The following TNIK variants were observed in gnomAD, a reference collection of about 807,000 sequenced individuals.
TNIK encodes the protein TRAF2 and NCK-interacting protein kinase.
Under a neutral mutation model 191.3 loss-of-function variants are expected in TNIK, and 49 were observed. That is an observed-to-expected ratio of 0.26 (90% CI 0.20 to 0.32). The LOEUF is 0.32. TNIK is among the 10% of genes least tolerant of loss of function. The pLI is 1.00. For missense variants in TNIK, 1,155 were observed against 1,702.3 expected, an observed-to-expected ratio of 0.68 and a Z score of 5.66; for synonymous variants, 594 against 600.9, an observed-to-expected ratio of 0.99 and a Z score of 0.17.
Position 171,366,356 on chromosome 3 carries a change from G to A in TNIK, c.123+3264C>T, listed in dbSNP as rs759364345. Among the ~76,000 whole-genome samples, 6 of 152,096 alleles carry A rather than the reference G, an allele frequency of 3.9e-5. No homozygotes were observed. Among genetic ancestry groups the A allele is most frequent in the Non-Finnish European group, 8.8e-5 (6 of 67,996 alleles). ...CTAACCTTGCCCAAAACAGGAATAA[G>A]CTAAAATTGGGAGTAAGACTAGAAG... is the stretch of plus-strand genomic sequence containing the variant. On this transcript the variant is annotated intron_variant, in intron 2 of 32. Transcript: ENST00000436636. This position sits in a 1 kb window ranked among gnomAD's most constrained non-coding sequence, Gnocchi z 4.1.
chr3:171,437,946 G>A (rs1726227630), intron 1 of TNIK, among the ~76,000 whole-genome samples: 1 of 152,222 alleles, frequency 6.6e-6, no homozygotes, highest in African/African-American at 2.4e-5. Context: ...CACGCCATGA[G>A]GCGGCAAAAT....
intron 3 of TNIK, among the ~76,000 whole-genome samples, chr3:171,211,711 G>A (rs960785603): frequency 6.6e-6 from 1 of 152,140 alleles, no homozygotes; most frequent in African/African-American, 2.4e-5. Flanking sequence ...GTACCTGACT[G>A]AAGATGATGA....
At chr3:171,362,629 C>G (rs1352158330) in intron 2 of TNIK, among the ~76,000 whole-genome samples, 1 of 152,172 alleles carries the variant, frequency 6.6e-6, no homozygotes. Context: ...TGAGTGCCTA[C>G]TATGTGTCAG....
In TNIK at chr3:171,063,487, G is replaced by C. The variant is rs1263593583; in HGVS notation, c.*394C>G. 6.3e-6 allele frequency: 1 copy of C among 159,780 alleles called. No homozygotes were observed. The highest frequency in any genetic ancestry group is 1.4e-5 in the Non-Finnish European group (1 of 73,342). 9.9% of individuals were successfully genotyped at this position (159,780 alleles called of 1,614,324 possible). A position where few individuals can be genotyped will look rare whatever the true frequency, so the allele number is the denominator to read the frequency against. ...AGAATTTAAAAGACTCATTTTCGCA[G>C]TATGCATTCTTTCCCCATTCTTGCA... On this transcript the variant is annotated 3_prime_UTR_variant, in exon 33 of 33. Transcript: ENST00000436636.
intron 1 of TNIK, among the ~76,000 whole-genome samples, chr3:171,439,806 C>T (rs997576762): frequency 2.4e-4 from 36 of 152,302 alleles, no homozygotes; most frequent in Middle Eastern, 3.4e-3. Flanking sequence ...TTGCCCTAAC[C>T]AAGGCCAGCA....
At chr3:171,304,321 C>T (rs1287939347) in intron 2 of TNIK, among the ~76,000 whole-genome samples, 3 of 152,140 alleles carry the variant, frequency 2.0e-5, no homozygotes, top group Non-Finnish European at 4.4e-5. Context: ...TACCATCTCA[C>T]ACCAGTTAGA....
At chr3:171,192,384 G>A (rs1001175908) in intron 5 of TNIK, among the ~76,000 whole-genome samples, 1 of 152,190 alleles carries the variant, frequency 6.6e-6, no homozygotes, top group Non-Finnish European at 1.5e-5. Flanking sequence ...ATCATACAAT[G>A]CATGGAGGTC....
intron 16 of TNIK, 55 bp from the exon 17 acceptor site, chr3:171,126,206 C>A: frequency 6.8e-7 from 1 of 1,475,902 alleles, no homozygotes; most frequent in South Asian, 1.5e-5. Context: ...AGAGATCAGC[C>A]AGTACCTCAG....
In TNIK at chr3:171,128,628, T is replaced by A. The variant is rs58223220; in HGVS notation, c.1773+86A>T. 4.3e-3 allele frequency: 6,173 copies of A among 1,444,918 alleles called. 120 individuals carry two copies. The highest frequency in any genetic ancestry group is 0.036 in the African/African-American group (2,527 of 70,830). The allele number at this position is 1,444,918 out of a possible 1,614,324, so 89.5% of individuals were successfully genotyped here. A position where few individuals can be genotyped will look rare whatever the true frequency, so the allele number is the denominator to read the frequency against. ...GTCATAATTTGATCCTGTGCCTGAA[T>A]CCATGTTACAATTCCCTAGGCTTTT... is the stretch of plus-strand genomic sequence containing the variant. On this transcript the variant is annotated intron_variant, in intron 16 of 32. Transcript: ENST00000436636.
chr3:171,307,876 T>C (rs1317077335), intron 2 of TNIK, among the ~76,000 whole-genome samples: 8 of 152,230 alleles, frequency 5.3e-5, no homozygotes, highest in South Asian at 2.1e-4. Context: ...TACAGTGAAA[T>C]TTTCCAGAGG....
In TNIK at chr3:171,209,064, G is replaced by GGGGTGTGTGTGT. The variant is rs141041586; in HGVS notation, c.306+2051_306+2052insACACACACACCC. Among the ~76,000 whole-genome samples, 1,048 of 142,104 alleles carry GGGGTGTGTGTGT rather than the reference G, an allele frequency of 7.4e-3. 11 individuals are homozygous for GGGGTGTGTGTGT. Among genetic ancestry groups the GGGGTGTGTGTGT allele is most frequent in the Middle Eastern group, 0.011 (3 of 280 alleles). 93.2% of individuals were successfully genotyped at this position (142,104 alleles called of 152,430 possible). On this transcript the variant is annotated intron_variant, in intron 4 of 32. Transcript: ENST00000436636. ...AAAGTAAGGTGTTTGCTTTGGAAGG[G>GGGGTGTGTGTGT]GTGTGTGTGTGTGTGTGTGTGTGTG... is the stretch of plus-strand genomic sequence containing the variant.
chr3:171,101,333 C>A, intron 22 of TNIK, 116 bp downstream of exon 22: 1 of 1,208,980 alleles, frequency 8.3e-7, no homozygotes, highest in Non-Finnish European at 1.1e-6. Flanking sequence ...TCCCGAAAGT[C>A]AATTTATCTT....
intron 4 of TNIK, among the ~76,000 whole-genome samples, chr3:171,201,321 C>T (rs564328304): frequency 6.6e-6 from 1 of 152,278 alleles, no homozygotes; most frequent in South Asian, 2.1e-4. Flanking sequence ...ATTGCTTGAA[C>T]CCAGGCTGCG....
At chr3:171,451,225 T>G (rs551220549) in intron 1 of TNIK, among the ~76,000 whole-genome samples, 3 of 152,358 alleles carry the variant, frequency 2.0e-5, no homozygotes, top group Admixed American at 2.0e-4. Context: ...GCTTTCTTGA[T>G]TCCTCTATCT....
chr3:171,459,765 T>A (rs956872015), intron 1 of TNIK, among the ~76,000 whole-genome samples: 2 of 151,768 alleles, frequency 1.3e-5, no homozygotes, highest in Non-Finnish European at 2.9e-5. Flanking sequence ...GCATAAGCTC[T>A]ACGAGCCCTC....
intron 1 of TNIK, among the ~76,000 whole-genome samples, chr3:171,415,798 T>G (rs1166351756): frequency 6.6e-6 from 1 of 151,258 alleles, no homozygotes; most frequent in African/African-American, 2.4e-5. Context: ...CTGGCCAACA[T>G]GGTGAAACCC....
chr3:171,322,597 TCA>T (rs1470017124), intron 2 of TNIK, among the ~76,000 whole-genome samples: 8 of 152,184 alleles, frequency 5.3e-5, no homozygotes, highest in African/African-American at 1.9e-4. Flanking sequence ...TGAAAATATG[TCA>T]CACGTAACTT....
chr3:171,199,451 T>A, intron 4 of TNIK, among the ~76,000 whole-genome samples: 2 of 152,062 alleles, frequency 1.3e-5, no homozygotes, highest in Non-Finnish European at 2.9e-5. Context: ...TCTCAAAGAG[T>A]TTATACTGGG....
At chr3:171,350,191 C>T (rs564035528) in intron 2 of TNIK, among the ~76,000 whole-genome samples, 1 of 152,230 alleles carries the variant, frequency 6.6e-6, no homozygotes, top group Middle Eastern at 3.4e-3. Flanking sequence ...AGCTAATAAG[C>T]AGAATCAAAA....
Sources: allele counts gnomAD v4.1 joint callset (sites outside exome capture counted in the v4.1 genomes callset), GRCh38; gene constraint gnomAD v4.1.1; non-coding constraint Gnocchi (gnomAD v3.1); transcripts MANE v1.5; gene names NCBI Gene and HGNC (gene_info 2026-07-23, HGNC 2026-07-21).